TMEM131: variants seen among roughly 807,000 people sequenced by gnomAD.
TMEM131 encodes transmembrane protein 131.
Under a neutral mutation model 211.6 loss-of-function variants are expected in TMEM131, and 66 were observed. That is an observed-to-expected ratio of 0.31 (90% CI 0.26 to 0.38). The LOEUF (loss-of-function observed/expected upper bound fraction) is 0.38, where lower values mean the gene tolerates loss of function less well. Ranked by LOEUF, TMEM131 falls within the 10% of genes least tolerant of loss-of-function variation. TMEM131 has a pLI of 1.00. For synonymous variants in TMEM131, 844 were observed against 841.3 expected (o/e 1.00, Z -0.06); for missense variants, 2,036 against 2,299.3 (o/e 0.89, Z 2.34).
At chr2:97,933,784 C>T (rs972382943) in intron 1 of TMEM131, among the ~76,000 whole-genome samples, 2 of 151,982 alleles carry the variant, frequency 1.3e-5, no homozygotes, top group Non-Finnish European at 2.9e-5. Context: ...CATCAACAGG[C>T]TAAAGAGGAA....
intron 12 of TMEM131, among the ~76,000 whole-genome samples, chr2:97,817,607 G>C (rs1681892216): frequency 6.6e-6 from 1 of 152,200 alleles, no homozygotes; most frequent in Admixed American, 6.5e-5. Context: ...GTATCATGAA[G>C]TATGCTGCCT....
chr2:97,781,781 T>C (rs891240641), intron 31 of TMEM131, among the ~76,000 whole-genome samples: 1 of 152,204 alleles, frequency 6.6e-6, no homozygotes, highest in African/African-American at 2.4e-5. Context: ...GTAAGATTCC[T>C]GGGTTTTCTT....
At chr2:97,879,712 T>C (rs1183101418) in intron 4 of TMEM131, among the ~76,000 whole-genome samples, 1 of 152,204 alleles carries the variant, frequency 6.6e-6, no homozygotes. Flanking sequence ...ACTTAATGAA[T>C]GAGAATTTCC....
At chr2:97,869,453 T>A (rs1003661673) in intron 4 of TMEM131, among the ~76,000 whole-genome samples, 2 of 152,218 alleles carry the variant, frequency 1.3e-5, no homozygotes, top group African/African-American at 4.8e-5. Flanking sequence ...ATGGGCCACA[T>A]CCCATAGAAA....
chr2:97,822,895 C>A (rs990692415), intron 11 of TMEM131, among the ~76,000 whole-genome samples: 10 of 152,076 alleles, frequency 6.6e-5, no homozygotes, highest in African/African-American at 2.2e-4. Context: ...ACCCATAAAC[C>A]CTGAAAAAGA....
intron 3 of TMEM131, among the ~76,000 whole-genome samples, chr2:97,898,232 T>C (rs757210780): frequency 6.6e-6 from 1 of 152,174 alleles, no homozygotes; most frequent in Non-Finnish European, 1.5e-5. Flanking sequence ...ATGTAAATTG[T>C]TCATTATAAA....
intron 2 of TMEM131, among the ~76,000 whole-genome samples, chr2:97,924,595 G>A (rs1419170149): frequency 1.3e-5 from 2 of 152,156 alleles, no homozygotes; most frequent in Non-Finnish European, 2.9e-5. Flanking sequence ...GGGACCCTTG[G>A]GTACCATGCC....
intron 3 of TMEM131, 57 bp downstream of exon 3, chr2:97,908,601 C>T (rs1676167018): frequency 1.7e-5 from 22 of 1,312,572 alleles, no homozygotes; most frequent in Non-Finnish European, 2.4e-5. Context: ...GGGAGAACCA[C>T]AGGAATCCCC....
intron 40 of TMEM131, 56 bp from the exon 41 acceptor site, chr2:97,757,439 G>C: frequency 6.6e-7 from 1 of 1,516,798 alleles, no homozygotes; most frequent in Non-Finnish European, 8.8e-7. Context: ...GGGTCAAGTG[G>C]GTAAGGGGGT....
intron 4 of TMEM131, among the ~76,000 whole-genome samples, chr2:97,859,711 T>C (rs1673988700): frequency 1.3e-5 from 2 of 152,192 alleles, no homozygotes; most frequent in South Asian, 4.1e-4. Flanking sequence ...GGGCACAAAA[T>C]GGTCAGTTCC....
At chr2:97,815,886 A>T (rs2104982816) in intron 12 of TMEM131, among the ~76,000 whole-genome samples, 1 of 152,312 alleles carries the variant, frequency 6.6e-6, no homozygotes, top group Middle Eastern at 3.4e-3. Context: ...TCTATCACCA[A>T]TAAAGTAGCA....
chr2:97,972,468 G>A (rs1251054168), intron 1 of TMEM131, among the ~76,000 whole-genome samples: 1 of 146,388 alleles, frequency 6.8e-6, no homozygotes, highest in Non-Finnish European at 1.5e-5. Context: ...GGGAGGGAAG[G>A]CGGGCGGGAG....
intron 11 of TMEM131, among the ~76,000 whole-genome samples, chr2:97,831,470 A>C (rs1286928661): frequency 6.6e-6 from 1 of 152,060 alleles, no homozygotes; most frequent in East Asian, 1.9e-4. Flanking sequence ...AACTACCAAA[A>C]CACTGGCAGA....
At chr2:97,889,212 A>G (rs1675281451) in intron 3 of TMEM131, among the ~76,000 whole-genome samples, 1 of 152,218 alleles carries the variant, frequency 6.6e-6, no homozygotes, top group Non-Finnish European at 1.5e-5. Context: ...GTGTAGCTTA[A>G]GAATCCCTCT....
At chr2:97,961,136 TAA>T (rs1179149824) in intron 1 of TMEM131, among the ~76,000 whole-genome samples, 2 of 135,638 alleles carry the variant, frequency 1.5e-5, no homozygotes, top group African/African-American at 2.7e-5. Flanking sequence ...AAACACTATC[TAA>T]AAAAAAAAAA....
At chr2:97,815,423 C>T (rs1024835187) in intron 12 of TMEM131, 116 bp from the exon 13 acceptor site, 2 of 555,390 alleles carry the variant, frequency 3.6e-6, no homozygotes, top group Non-Finnish European at 6.1e-6. Flanking sequence ...CCAAATTGGC[C>T]AACAGAACAC....
chr2:97,938,707 C>A (rs1454904436), intron 1 of TMEM131, among the ~76,000 whole-genome samples: 2 of 152,186 alleles, frequency 1.3e-5, no homozygotes, highest in Admixed American at 6.5e-5. Context: ...CTCTCCACCC[C>A]AAATCAACAG....
At chr2:97,768,956 T>G (rs947010168) in intron 33 of TMEM131, among the ~76,000 whole-genome samples, 1 of 148,056 alleles carries the variant, frequency 6.8e-6, no homozygotes, top group African/African-American at 2.4e-5. Context: ...CAGGCTTTAT[T>G]TATTTATTTA....
chr2:97,773,660 T>C (rs1438148669), intron 32 of TMEM131, among the ~76,000 whole-genome samples: 3 of 151,906 alleles, frequency 2.0e-5, no homozygotes, highest in Non-Finnish European at 4.4e-5. Context: ...TGTGGTTTTT[T>C]TTTTTTTGAG....
Sources: gnomAD v4.1 joint callset for allele counts (sites outside exome capture counted in the v4.1 genomes callset) on GRCh38, gnomAD v4.1.1 for gene constraint, MANE v1.5 for transcripts, NCBI Gene and HGNC (gene_info 2026-07-23, HGNC 2026-07-21) for gene names.